Variants in HELQ observed in about 807,000 individuals in gnomAD.
HELQ encodes the protein helicase POLQ-like.
HELQ carries 77 observed loss-of-function variants against 111.6 expected under a neutral mutation model. The observed-to-expected ratio is 0.69, with a 90% CI of 0.57 to 0.83. The LOEUF (loss-of-function observed/expected upper bound fraction) is 0.83, where lower values mean the gene tolerates loss of function less well. HELQ is among the 40% of genes least tolerant of loss of function. The pLI is 0.00. For missense variants in HELQ, 1,200 were observed against 1,288.5 expected, an observed-to-expected ratio of 0.93 and a Z score of 1.05; for synonymous variants, 438 against 454.7, an observed-to-expected ratio of 0.96 and a Z score of 0.47.
chr4:83,440,507 A>G (rs1295841342), intron 7 of HELQ, among the ~76,000 whole-genome samples: 2 of 152,246 alleles, frequency 1.3e-5, no homozygotes, highest in African/African-American at 4.8e-5. Context: ...GAACATGAAG[A>G]AAAAATGTGA....
intron 17 of HELQ, among the ~76,000 whole-genome samples, chr4:83,414,229 C>G (rs962974875): frequency 2.0e-5 from 3 of 152,170 alleles, no homozygotes; most frequent in African/African-American, 7.2e-5. Context: ...GCAAGTTCAA[C>G]AGTACATTGT....
In HELQ at chr4:83,427,569, G is replaced by T. The variant is rs1560545435; in HGVS notation, c.2670C>A (p.Phe890Leu). Residue 890 changes from phenylalanine to leucine, a missense_variant, in exon 13 of 18, where the codon TTC (phenylalanine) becomes TTA (leucine). By Grantham distance (22) the Phe-to-Leu change is conservative (BLOSUM62 0). Around this residue, in one of 3 missense-constraint regions of HELQ, gnomAD observed 585 missense variants for 665.3 expected, o/e 0.88. Transcript: ENST00000295488. ...SQCNPDWMIY[F>L]RQFSQLSPAE... ...AAAAACGTTATATTCTCACCTGCCT[G>T]AAGTATATCATCCAATCAGGGTTAC... 6.5e-7 allele frequency: 1 copy of T among 1,549,104 alleles called. No individual in the cohort carries two copies. Among genetic ancestry groups the T allele is most frequent in the Middle Eastern group, 1.7e-4 (1 of 5,808 alleles).
At chr4:83,454,006 C>T in intron 1 of HELQ, 61 bp from the exon 2 acceptor site, 1 of 1,025,832 alleles carries the variant, frequency 9.7e-7, no homozygotes. Flanking sequence ...AAAAGCTTCA[C>T]CAGCCTGGCC....
chr4:83,408,024 T>C lies in HELQ; in HGVS notation c.3199-464A>G, dbSNP rs537442835. On this transcript the variant is annotated intron_variant, in intron 17 of 17. Transcript: ENST00000295488. ...AAGTTCCTAAACTTAAAACTGTTAA[T>C]TTCAAAAGCAACATAATGAGCAAAA... is the stretch of plus-strand genomic sequence containing the variant. Among the ~76,000 whole-genome samples, 64 of 152,310 alleles carry C rather than the reference T, an allele frequency of 4.2e-4. No individual in the cohort carries two copies. In the South Asian group the frequency reaches 0.013, roughly 31 times the overall value.
intron 2 of HELQ, 118 bp downstream of exon 2, chr4:83,453,113 C>T: frequency 1.6e-6 from 1 of 643,374 alleles, no homozygotes; most frequent in South Asian, 2.0e-5. Flanking sequence ...GATCACTGAT[C>T]TTTTGTTTTC....
chr4:83,416,938 AAAG>A, intron 16 of HELQ, 73 bp from the exon 17 acceptor site: 1 of 1,361,678 alleles, frequency 7.3e-7, no homozygotes, highest in Non-Finnish European at 1.0e-6. Flanking sequence ...ACTTTACTGA[AAAG>A]AACAAAAACT....
At chr4:83,420,575 C>A (rs990935481) in intron 15 of HELQ, among the ~76,000 whole-genome samples, 1 of 151,956 alleles carries the variant, frequency 6.6e-6, no homozygotes, top group Non-Finnish European at 1.5e-5. Context: ...ACTTGAGGTC[C>A]GGAGTTCGAG....
chr4:83,418,828 C>T (rs959120620), intron 15 of HELQ, among the ~76,000 whole-genome samples: 2 of 152,240 alleles, frequency 1.3e-5, no homozygotes, highest in Admixed American at 6.5e-5. Context: ...AAGAAATCAA[C>T]GTAATGAAGA....
intron 17 of HELQ, among the ~76,000 whole-genome samples, chr4:83,409,634 T>G (rs906777374): frequency 1.3e-5 from 2 of 150,962 alleles, no homozygotes; most frequent in African/African-American, 4.9e-5. Context: ...AAGCAAACCA[T>G]GAAGCAGAAA....
intron 17 of HELQ, among the ~76,000 whole-genome samples, chr4:83,410,765 C>T (rs1244440849): frequency 6.6e-6 from 1 of 152,004 alleles, no homozygotes; most frequent in Admixed American, 6.6e-5. Flanking sequence ...CATGACAGGT[C>T]TCAGTTTAAG....
rs552744121 is a variant in HELQ at position 83,433,985 on chromosome 4, A to G, written c.2049-1718T>C. On this transcript the variant is annotated intron_variant, in intron 9 of 17. Transcript: ENST00000295488. ...ACAAAGCGAGACTCTGTCTCAAAAA[A>G]AAAAAAAAAAGGAGTAGACTATTAT... Among the ~76,000 whole-genome samples the G allele has an allele frequency of 4.0e-5, 6 of 151,856 alleles. No homozygotes were observed. The South Asian group carries it at 6.2e-4, about 16-fold the overall frequency.
At chr4:83,414,332 G>T (rs1175752888) in intron 17 of HELQ, among the ~76,000 whole-genome samples, 2 of 152,158 alleles carry the variant, frequency 1.3e-5, no homozygotes, top group Non-Finnish European at 2.9e-5. Context: ...CCAGCATCCA[G>T]TGGCAATGAA....
At chr4:83,451,918 C>T (rs1432246917) in intron 2 of HELQ, among the ~76,000 whole-genome samples, 2 of 152,210 alleles carry the variant, frequency 1.3e-5, no homozygotes, top group Admixed American at 1.3e-4. Flanking sequence ...GCTTCTCCAA[C>T]CTGATTGTCT....
intron 13 of HELQ, among the ~76,000 whole-genome samples, chr4:83,427,154 T>A (rs541966295): frequency 6.6e-6 from 1 of 152,176 alleles, no homozygotes. Context: ...TGTGGGGAAA[T>A]AGGACCACGG....
intron 6 of HELQ, among the ~76,000 whole-genome samples, chr4:83,442,470 G>A: frequency 6.7e-6 from 1 of 149,660 alleles, no homozygotes; most frequent in Non-Finnish European, 1.5e-5. Flanking sequence ...GAGTGCAGTG[G>A]CGCAATCTCG....
intron 15 of HELQ, among the ~76,000 whole-genome samples, chr4:83,420,606 G>A (rs1739627475): frequency 6.6e-6 from 1 of 152,160 alleles, no homozygotes; most frequent in South Asian, 2.1e-4. Context: ...CCAATATGGT[G>A]AAACCCTATC....
chr4:83,446,171 G>T, intron 4 of HELQ, 85 bp from the exon 5 acceptor site: 1 of 936,616 alleles, frequency 1.1e-6, no homozygotes. Flanking sequence ...TATGAAATTT[G>T]TTTGTAAAGA....
intron 17 of HELQ, among the ~76,000 whole-genome samples, chr4:83,415,425 G>A (rs556468910): frequency 1.4e-4 from 22 of 152,302 alleles, no homozygotes; most frequent in African/African-American, 5.1e-4. Context: ...TTTAGCCTCA[G>A]TATATCAGGA....
intron 15 of HELQ, 57 bp downstream of exon 15, chr4:83,421,506 G>T: frequency 7.5e-7 from 1 of 1,334,582 alleles, no homozygotes; most frequent in Non-Finnish European, 1.1e-6. Context: ...TATTAGTTTA[G>T]TAACAGTTAA....
Sources: gnomAD v4.1 joint callset for allele counts (sites outside exome capture counted in the v4.1 genomes callset) on GRCh38, gnomAD v4.1.1 for gene constraint, gnomAD v4.1.1 regional missense constraint, MANE v1.5 for transcripts, NCBI Gene and HGNC (gene_info 2026-07-23, HGNC 2026-07-21) for gene names.